Variants in STPG2 observed in about 807,000 individuals in gnomAD.
STPG2 encodes the protein sperm-tail PG-rich repeat-containing protein 2.
Under a neutral mutation model 54.2 loss-of-function variants are expected in STPG2, and 56 were observed. That is an observed-to-expected ratio of 1.03 (90% CI 0.83 to 1.29). STPG2 has a LOEUF of 1.29. STPG2 is among the 50% of genes most tolerant of loss of function. STPG2 has a pLI of 0.00. For missense variants in STPG2, 596 were observed against 544.9 expected (o/e 1.09, Z -0.93); for synonymous variants, 200 against 181.8 (o/e 1.10, Z -0.81).
chr4:97,949,372 T>A (rs1049137415), intron 7 of STPG2, among the ~76,000 whole-genome samples: 5 of 152,180 alleles, frequency 3.3e-5, no homozygotes, highest in African/African-American at 1.2e-4. Flanking sequence ...TCTTATCTAA[T>A]CTGCCAATCT....
chr4:97,627,653 T>G (rs1734168070), intron 10 of STPG2, among the ~76,000 whole-genome samples: 1 of 152,208 alleles, frequency 6.6e-6, no homozygotes, highest in Admixed American at 6.5e-5. Flanking sequence ...TCTTTTCATT[T>G]TCTATAGTAA....
intron 8 of STPG2, among the ~76,000 whole-genome samples, chr4:97,876,533 T>C (rs1458866323): frequency 6.6e-6 from 1 of 152,040 alleles, no homozygotes. Context: ...CTCAGAGATA[T>C]TTATCATTAA....
intron 5 of STPG2, among the ~76,000 whole-genome samples, chr4:97,988,264 C>T (rs1734888117): frequency 6.6e-6 from 1 of 152,132 alleles, no homozygotes; most frequent in Admixed American, 6.5e-5. Context: ...TGAGTCATTT[C>T]CAGGCCACCT....
At chr4:97,845,399 C>T (rs554144083) in intron 8 of STPG2, among the ~76,000 whole-genome samples, 3 of 151,868 alleles carry the variant, frequency 2.0e-5, no homozygotes, top group Non-Finnish European at 4.4e-5. Flanking sequence ...TTATTCTATT[C>T]GATCTCTTAA....
chr4:97,858,258 T>C (rs1729395647), intron 8 of STPG2, among the ~76,000 whole-genome samples: 1 of 151,260 alleles, frequency 6.6e-6, no homozygotes, highest in Admixed American at 6.6e-5. Flanking sequence ...ATAATCAAAT[T>C]CCCAAATGTC....
At chr4:97,461,255 T>TTCTCTCTCTCTCTCTCTC (rs1301603913) in intron 4 of STPG2, among the ~76,000 whole-genome samples, 2 of 151,252 alleles carry the variant, frequency 1.3e-5, no homozygotes, top group Admixed American at 6.6e-5. Context: ...CTCTTTCTCT[T>TTCTCTCTCTCTCTCTCTC]TATCTCTCTC....
chr4:97,700,866 G>T (rs1160017365), intron 10 of STPG2, among the ~76,000 whole-genome samples: 2 of 152,224 alleles, frequency 1.3e-5, no homozygotes, highest in Non-Finnish European at 2.9e-5. Context: ...CAAGTACCAG[G>T]AGATGTGTTA....
At chr4:98,033,419 T>C (rs569939146) in intron 5 of STPG2, among the ~76,000 whole-genome samples, 8 of 152,066 alleles carry the variant, frequency 5.3e-5, no homozygotes, top group Admixed American at 2.6e-4. Flanking sequence ...GTTGAATCCC[T>C]AAGTAGACCA....
chr4:97,805,395 G>T (rs561518892), intron 9 of STPG2, among the ~76,000 whole-genome samples: 1 of 152,178 alleles, frequency 6.6e-6, no homozygotes, highest in Non-Finnish European at 1.5e-5. Flanking sequence ...TCTTTTAGTG[G>T]AGATGGGGTT....
At chr4:98,052,087 C>CAA (rs5860519) in intron 5 of STPG2, among the ~76,000 whole-genome samples, 1 of 117,802 alleles carries the variant, frequency 8.5e-6, no homozygotes, top group Admixed American at 9.3e-5. Flanking sequence ...AACTCTGTCT[C>CAA]AAAAAAAAAA....
chr4:97,700,699 C>G (rs1253001050), intron 10 of STPG2, among the ~76,000 whole-genome samples: 2 of 152,166 alleles, frequency 1.3e-5, no homozygotes, highest in East Asian at 1.9e-4. Context: ...TGATCAGGGT[C>G]TCTCCAAATA....
rs1193577603 is a variant in STPG2, at chr4:98,020,207, A to C, written c.613-38889T>G. Among the ~76,000 whole-genome samples the C allele has an allele frequency of 3.0e-4, 39 of 128,468 alleles. 2 individuals carry two copies. Among genetic ancestry groups the C allele is most frequent in the African/African-American group, 5.7e-4 (19 of 33,144 alleles). The allele number at this position is 128,468 out of a possible 152,430, so 84.3% of individuals were successfully genotyped here. A position where few individuals can be genotyped will look rare whatever the true frequency, so the allele number is the denominator to read the frequency against. ...GATATGTCCCATCAATACCTAATTT[A>C]TTGAGAGTTTTTAGCATGAAGGGTT... On this transcript the variant is annotated intron_variant, in intron 5 of 10. Coordinates refer to ENST00000295268, the MANE Select transcript of STPG2 (RefSeq NM_174952.3).
At chr4:97,728,332 G>C (rs2149023844) in intron 9 of STPG2, among the ~76,000 whole-genome samples, 1 of 152,020 alleles carries the variant, frequency 6.6e-6, no homozygotes, top group South Asian at 2.1e-4. Context: ...TGATGTCAAG[G>C]AGTTCATTTA....
intron 7 of STPG2, among the ~76,000 whole-genome samples, chr4:97,951,300 CT>C (rs1013242687): frequency 3.9e-5 from 6 of 152,140 alleles, no homozygotes; most frequent in African/African-American, 1.4e-4. Flanking sequence ...TGCAGTTCCC[CT>C]GTCTTGATAA....
intron 4 of STPG2, among the ~76,000 whole-genome samples, chr4:97,455,438 C>T (rs1003772165): frequency 2.0e-5 from 3 of 151,956 alleles, no homozygotes; most frequent in Non-Finnish European, 4.4e-5. Context: ...AGGAACACAA[C>T]AGTGGAAGAA....
At chr4:97,950,973 G>A (rs1375105168) in intron 7 of STPG2, among the ~76,000 whole-genome samples, 1 of 152,142 alleles carries the variant, frequency 6.6e-6, no homozygotes, top group South Asian at 2.1e-4. Flanking sequence ...TATCACTATT[G>A]TAAAACCTAA....
In STPG2 at chr4:97,745,708, G is replaced by A. The variant is rs75771129; in HGVS notation, c.1205-32894C>T. ...AAACAGTGCTATGCTGATTTACATA[G>A]GACTATATTTTTCAATGAATCTAGA... is the stretch of plus-strand genomic sequence containing the variant. On this transcript the variant is annotated intron_variant, in intron 9 of 10. Transcript: ENST00000295268. Among the ~76,000 whole-genome samples, 903 of 151,102 alleles carry A rather than the reference G, an allele frequency of 6.0e-3. 10 individuals are homozygous for A. Among genetic ancestry groups the A allele is most frequent in the African/African-American group, 0.021 (864 of 41,418 alleles).
At chr4:98,018,869 G>A (rs910592125) in intron 5 of STPG2, among the ~76,000 whole-genome samples, 4 of 147,950 alleles carry the variant, frequency 2.7e-5, no homozygotes, top group African/African-American at 9.9e-5. Flanking sequence ...GGGGTTGTTT[G>A]TTTTTTTTTT....
chr4:97,788,246 G>A (rs140619508), intron 9 of STPG2, among the ~76,000 whole-genome samples: 101 of 152,006 alleles, frequency 6.6e-4, no homozygotes, highest in African/African-American at 2.3e-3. Context: ...CCAGCCTCTG[G>A]TAACCATCAT....
Sources: allele counts gnomAD v4.1 joint callset (sites outside exome capture counted in the v4.1 genomes callset), GRCh38; gene constraint gnomAD v4.1.1; transcripts MANE v1.5; gene names NCBI Gene and HGNC (gene_info 2026-07-23, HGNC 2026-07-21).